Variants in ZNF420 observed in about 807,000 individuals in gnomAD.
The protein encoded by ZNF420 is ATM and p53-associated KZNF protein.
ZNF420 carries 31 observed loss-of-function variants against 44.7 expected under a neutral mutation model. The observed-to-expected ratio is 0.69, with a 90% CI of 0.52 to 0.94. ZNF420 has a LOEUF of 0.94. Ranked by LOEUF, ZNF420 falls within the 40% of genes least tolerant of loss-of-function variation. ZNF420 has a pLI of 0.00. For missense variants in ZNF420, 681 were observed against 827.9 expected, an observed-to-expected ratio of 0.82 and a Z score of 2.18; for synonymous variants, 245 against 267.4, an observed-to-expected ratio of 0.92 and a Z score of 0.82.
chr19:37,055,794 G>A (rs187961019), intron 1 of ZNF420, among the ~76,000 whole-genome samples: 1 of 152,270 alleles, frequency 6.6e-6, no homozygotes, highest in Non-Finnish European at 1.5e-5. Context: ...ACACGGAGGG[G>A]CAAACAGGAT....
intron 4 of ZNF420, among the ~76,000 whole-genome samples, chr19:37,100,994 CTTT>C (rs35330746): frequency 0.012 from 1,651 of 137,064 alleles, 11 homozygotes; most frequent in Middle Eastern, 0.026. Context: ...AAATTTATTC[CTTT>C]TTTTTTTTTT....
At chr19:37,033,946 G>A (rs1433823930) in intron 1 of ZNF420, among the ~76,000 whole-genome samples, 4 of 152,004 alleles carry the variant, frequency 2.6e-5, no homozygotes, top group East Asian at 1.9e-4. Flanking sequence ...TGGTAGAGAC[G>A]GTGTTTCACC....
intron 1 of ZNF420, among the ~76,000 whole-genome samples, chr19:37,047,004 A>AC (rs1236626465): frequency 2.6e-5 from 4 of 151,468 alleles, no homozygotes; most frequent in Admixed American, 6.6e-5. Context: ...AAGCAAAACA[A>AC]AATAATTTTT....
intron 4 of ZNF420, among the ~76,000 whole-genome samples, chr19:37,125,554 C>T (rs1464177217): frequency 6.6e-6 from 1 of 152,148 alleles, no homozygotes; most frequent in Admixed American, 6.5e-5. Flanking sequence ...TTAGGAGTGA[C>T]AGAAGTATGA....
upstream of ZNF420, among the ~76,000 whole-genome samples, chr19:37,076,370 TTTTA>T (rs1968152799): frequency 6.8e-6 from 1 of 147,324 alleles, no homozygotes; most frequent in Non-Finnish European, 1.5e-5. Context: ...TCTTTTTTAT[TTTTA>T]TTTTTATTTA....
intron 1 of ZNF420, among the ~76,000 whole-genome samples, chr19:37,069,969 G>T (rs1004914917): frequency 2.0e-5 from 3 of 152,042 alleles, no homozygotes; most frequent in Non-Finnish European, 4.4e-5. Context: ...TAGAAAAATA[G>T]TTATATTATG....
chr19:37,043,140 T>G (rs1330485835), intron 1 of ZNF420, among the ~76,000 whole-genome samples: 1 of 152,226 alleles, frequency 6.6e-6, no homozygotes, highest in Non-Finnish European at 1.5e-5. Context: ...TCGAAAAGTT[T>G]GAAGTATTGT....
intron 4 of ZNF420, among the ~76,000 whole-genome samples, chr19:37,108,771 C>G (rs1397126963): frequency 6.6e-6 from 1 of 152,136 alleles, no homozygotes; most frequent in Non-Finnish European, 1.5e-5. Flanking sequence ...TCTGTTAAGT[C>G]ACTATCAACA....
At chr19:37,043,963 C>A (rs1466843987) in intron 1 of ZNF420, among the ~76,000 whole-genome samples, 1 of 152,190 alleles carries the variant, frequency 6.6e-6, no homozygotes, top group Non-Finnish European at 1.5e-5. Context: ...GTACAAGTAG[C>A]CTGTTTTTGT....
At chr19:37,111,425 C>T (rs373071525) in intron 4 of ZNF420, 1 of 152,120 alleles carries the variant, frequency 6.6e-6, no homozygotes, top group South Asian at 2.1e-4. Flanking sequence ...TTTTAATGTG[C>T]CTTTTCTTAT....
At chr19:37,096,902 C>CTTT (rs1320093092) in intron 4 of ZNF420, among the ~76,000 whole-genome samples, 86 of 142,046 alleles carry the variant, frequency 6.1e-4, no homozygotes, top group African/African-American at 2.0e-3. Context: ...TTTTCTTATT[C>CTTT]TTTTTTTTTT....
At chr19:37,123,139 C>T (rs866253163) in intron 4 of ZNF420, among the ~76,000 whole-genome samples, 8 of 152,336 alleles carry the variant, frequency 5.3e-5, no homozygotes, top group Middle Eastern at 6.8e-3. Context: ...AATATATCCA[C>T]TATCTAATGA....
chr19:37,100,469 T>C (rs960403861), intron 4 of ZNF420, among the ~76,000 whole-genome samples: 1 of 152,106 alleles, frequency 6.6e-6, no homozygotes, highest in Non-Finnish European at 1.5e-5. Context: ...TCCTAACACT[T>C]TGGGAGGCTG....
intron 1 of ZNF420, among the ~76,000 whole-genome samples, chr19:37,012,997 A>G (rs8106386): frequency 0.33 from 49,415 of 151,576 alleles, 8,287 homozygotes; most frequent in Non-Finnish European, 0.35. Context: ...CTTGCGGCCC[A>G]TTGTCAGTTT....
At chr19:37,054,504 G>A (rs933444904) in intron 1 of ZNF420, among the ~76,000 whole-genome samples, 11 of 152,268 alleles carry the variant, frequency 7.2e-5, no homozygotes, top group Admixed American at 3.3e-4. Context: ...TGGCTCCACC[G>A]AACAAATTTT....
At chr19:37,021,549 G>A (rs1439188998) in intron 1 of ZNF420, among the ~76,000 whole-genome samples, 1 of 152,126 alleles carries the variant, frequency 6.6e-6, no homozygotes, top group Non-Finnish European at 1.5e-5. Context: ...TTATAGGCAT[G>A]AACCACCACA....
chr19:37,025,531 C>CT (rs990549701), intron 1 of ZNF420, among the ~76,000 whole-genome samples: 6 of 151,940 alleles, frequency 3.9e-5, no homozygotes, highest in Non-Finnish European at 4.4e-5. Context: ...GACAGGTGGT[C>CT]TTTTTTATCT....
intron 1 of ZNF420, among the ~76,000 whole-genome samples, chr19:37,021,401 A>T (rs1475208013): frequency 2.0e-5 from 3 of 152,058 alleles, no homozygotes; most frequent in African/African-American, 4.8e-5. Context: ...CCAAATAGCT[A>T]GGATTACAGG....
At chr19:37,116,908 G>T (rs1970724306) in intron 4 of ZNF420, among the ~76,000 whole-genome samples, 1 of 152,188 alleles carries the variant, frequency 6.6e-6, no homozygotes, top group African/African-American at 2.4e-5. Context: ...GCTGGGGGAG[G>T]GGTGCCTGCC....
Sources: gnomAD v4.1 joint callset for allele counts (sites outside exome capture counted in the v4.1 genomes callset) on GRCh38, gnomAD v4.1.1 for gene constraint, MANE v1.5 for transcripts, NCBI Gene and HGNC (gene_info 2026-07-23, HGNC 2026-07-21) for gene names.